Variants in EIF3H observed in about 807,000 individuals in gnomAD.
EIF3H encodes eukaryotic translation initiation factor 3 subunit H.
A neutral mutation model predicts 44.2 loss-of-function variants in EIF3H; 26 were observed. The observed-to-expected ratio is 0.59, with a 90% CI of 0.43 to 0.82. EIF3H has a LOEUF of 0.82. EIF3H is among the 40% of genes least tolerant of loss of function. The pLI, the probability that EIF3H is intolerant of heterozygous loss-of-function variation, is 0.00. For synonymous variants in EIF3H, 166 were observed against 151.9 expected (o/e 1.09, Z -0.68); for missense variants, 359 against 432.8 (o/e 0.83, Z 1.51).
At chr8:116,705,643 C>T (rs540753659) in intron 2 of EIF3H, among the ~76,000 whole-genome samples, 1 of 152,144 alleles carries the variant, frequency 6.6e-6, no homozygotes, top group Admixed American at 6.5e-5. Flanking sequence ...ACTTAAGCAG[C>T]ACTCTTTAAA....
intron 1 of EIF3H, among the ~76,000 whole-genome samples, chr8:116,742,158 T>C (rs1815144588): frequency 6.6e-6 from 1 of 152,128 alleles, no homozygotes; most frequent in Non-Finnish European, 1.5e-5. Flanking sequence ...ACTTAATCAA[T>C]ATCAACCTCT....
intron 2 of EIF3H, among the ~76,000 whole-genome samples, chr8:116,678,552 G>A (rs1203552071): frequency 6.6e-6 from 1 of 151,040 alleles, no homozygotes. Flanking sequence ...AGCGAGGAGC[G>A]CCTCTTCCCA....
chr8:116,721,939 T>C (rs1210035681), intron 2 of EIF3H, among the ~76,000 whole-genome samples: 1 of 152,224 alleles, frequency 6.6e-6, no homozygotes, highest in African/African-American at 2.4e-5. Flanking sequence ...CTTTTGACTG[T>C]GGACTTTTGA....
At chr8:116,673,212 C>T (rs767340729) in intron 2 of EIF3H, among the ~76,000 whole-genome samples, 1 of 152,060 alleles carries the variant, frequency 6.6e-6, no homozygotes, top group Non-Finnish European at 1.5e-5. Flanking sequence ...GCAAAAGCAG[C>T]AAGCATTTGG....
upstream of EIF3H, among the ~76,000 whole-genome samples, chr8:116,759,542 A>G (rs1306236347): frequency 6.6e-6 from 1 of 152,138 alleles, no homozygotes. Flanking sequence ...ACCCCTTTCA[A>G]TGCAGTAAAA....
intron 1 of EIF3H, among the ~76,000 whole-genome samples, chr8:116,739,189 A>G (rs1259879462): frequency 2.0e-5 from 3 of 152,234 alleles, no homozygotes; most frequent in Admixed American, 6.5e-5. Context: ...TGCCTTAAGG[A>G]CATGTTCCTG....
At chr8:116,686,224 C>T (rs1489219299) in intron 2 of EIF3H, among the ~76,000 whole-genome samples, 2 of 152,122 alleles carry the variant, frequency 1.3e-5, no homozygotes, top group African/African-American at 2.4e-5. Context: ...ACTCATGAAG[C>T]TTATTTTGGG....
chr8:116,660,659 A>T lies in EIF3H; in HGVS notation c.290-1679T>A, dbSNP rs575781391. 4.1e-4 allele frequency among the ~76,000 whole-genome samples: 62 copies of T among 152,328 alleles called. 1 individual carries two copies. The South Asian group carries it at 0.012, about 29-fold the overall frequency. On this transcript the variant is annotated intron_variant, in intron 2 of 7. Transcript: ENST00000521861. ...CAGAGCTGGAAACTGCACTACTGTA[A>T]AGATGTACAGTTTAAGTGCCTGTTT...
intron 2 of EIF3H, among the ~76,000 whole-genome samples, chr8:116,721,392 C>A (rs1814743508): frequency 6.6e-6 from 1 of 152,226 alleles, no homozygotes; most frequent in African/African-American, 2.4e-5. Context: ...GCTGCAGGGG[C>A]AGGGCCCTCA....
intron 1 of EIF3H, among the ~76,000 whole-genome samples, chr8:116,747,563 G>A (rs1348686345): frequency 2.0e-5 from 3 of 152,210 alleles, no homozygotes; most frequent in South Asian, 2.1e-4. Context: ...AACAACTTAC[G>A]TATGCACCAC....
chr8:116,656,269 T>C (rs1432337768), intron 4 of EIF3H, among the ~76,000 whole-genome samples: 1 of 152,174 alleles, frequency 6.6e-6, no homozygotes, highest in Non-Finnish European at 1.5e-5. Flanking sequence ...TTCTTTGTTA[T>C]CAGGTATCTT....
intron 1 of EIF3H, among the ~76,000 whole-genome samples, chr8:116,744,671 T>C (rs992190969): frequency 6.6e-6 from 1 of 152,000 alleles, no homozygotes; most frequent in Non-Finnish European, 1.5e-5. Context: ...ATATTCTCTT[T>C]AAGATATTAT....
intron 1 of EIF3H, among the ~76,000 whole-genome samples, chr8:116,738,034 C>CA (rs750259420): frequency 0.095 from 6,424 of 67,934 alleles, 582 homozygotes; most frequent in African/African-American, 0.29. Flanking sequence ...GGCTCCATCT[C>CA]AAAAAAAAAA....
chr8:116,742,590 AC>A (rs1181984521), intron 1 of EIF3H, among the ~76,000 whole-genome samples: 2 of 152,202 alleles, frequency 1.3e-5, no homozygotes, highest in East Asian at 3.8e-4. Context: ...GTTAAGATCT[AC>A]CTTCTAACAC....
At chr8:116,664,090 G>A (rs1208403100) in intron 2 of EIF3H, among the ~76,000 whole-genome samples, 1 of 152,176 alleles carries the variant, frequency 6.6e-6, no homozygotes, top group Non-Finnish European at 1.5e-5. Context: ...TTCTGCAATT[G>A]TTTTAATTGG....
upstream of EIF3H, chr8:116,755,888 A>G: frequency 6.4e-7 from 1 of 1,573,150 alleles, no homozygotes; most frequent in South Asian, 1.1e-5. Flanking sequence ...CCGGCGTTCG[A>G]GGGGCGGAGA....
intron 2 of EIF3H, among the ~76,000 whole-genome samples, chr8:116,662,733 G>C (rs757381773): frequency 1.3e-5 from 2 of 152,186 alleles, no homozygotes; most frequent in Non-Finnish European, 2.9e-5. Flanking sequence ...CCAGTGACCT[G>C]TCTGAAAACC....
At chr8:116,708,232 C>G (rs1296785031) in intron 2 of EIF3H, among the ~76,000 whole-genome samples, 5 of 151,766 alleles carry the variant, frequency 3.3e-5, no homozygotes, top group Non-Finnish European at 7.4e-5. Context: ...ATCAAAACAG[C>G]AAAAAATAAT....
intron 2 of EIF3H, among the ~76,000 whole-genome samples, chr8:116,712,102 T>TGCC (rs1222279954): frequency 8.5e-5 from 13 of 152,330 alleles, no homozygotes; most frequent in East Asian, 1.9e-4. Context: ...GGACTGCTGC[T>TGCC]GCCGCCGCCG....
Sources: gnomAD v4.1 joint callset for allele counts (sites outside exome capture counted in the v4.1 genomes callset) on GRCh38, gnomAD v4.1.1 for gene constraint, MANE v1.5 for transcripts, NCBI Gene and HGNC (gene_info 2026-07-23, HGNC 2026-07-21) for gene names.